The following FNIP1 variants were observed in gnomAD, a reference collection of about 807,000 sequenced individuals.
FNIP1 encodes folliculin-interacting protein 1.
A neutral mutation model predicts 124.5 loss-of-function variants in FNIP1; 40 were observed. The observed-to-expected ratio is 0.32, with a 90% CI of 0.25 to 0.42. The LOEUF (loss-of-function observed/expected upper bound fraction) is 0.42. Among genes scored for constraint, FNIP1 ranks in the 10% least tolerant of loss-of-function variants. The pLI, the probability that FNIP1 is intolerant of heterozygous loss-of-function variation, is 1.00. For missense variants in FNIP1, 1,176 were observed against 1,403.7 expected, an observed-to-expected ratio of 0.84 and a Z score of 2.59; for synonymous variants, 472 against 470.6, an observed-to-expected ratio of 1.00 and a Z score of -0.04.
rs1045722087 is a variant in FNIP1 at position 131,796,928 on chromosome 5, C to G, written c.-7G>C. ...GGAACAGCGTAGGGGCCATGCTAGCCACGGCCAGGCAGGGGTCGCTCCGCT... is the reference window on the plus strand; with the variant it reads ...GGAACAGCGTAGGGGCCATGCTAGCGACGGCCAGGCAGGGGTCGCTCCGCT... On this transcript the variant is annotated 5_prime_UTR_variant, in exon 1 of 18. Coordinates refer to ENST00000510461, the MANE Select transcript of FNIP1 (RefSeq NM_133372.3). 1 of 1,596,514 alleles carries G rather than the reference C, an allele frequency of 6.3e-7. No individual in the cohort carries two copies. Among genetic ancestry groups the G allele is most frequent in the African/African-American group, 1.3e-5 (1 of 74,378 alleles).
intron 1 of FNIP1, among the ~76,000 whole-genome samples, chr5:131,790,834 A>C (rs371774053): frequency 3.5e-4 from 54 of 152,378 alleles, no homozygotes; most frequent in East Asian, 2.7e-3. Context: ...GACTATATCA[A>C]GAACAGGGAG....
chr5:131,687,331 C>A (rs1768315610), intron 11 of FNIP1, among the ~76,000 whole-genome samples: 1 of 152,080 alleles, frequency 6.6e-6, no homozygotes, highest in South Asian at 2.1e-4. Context: ...GTCTTGAACT[C>A]CTGGACTCAA....
intron 2 of FNIP1, among the ~76,000 whole-genome samples, chr5:131,738,124 C>T (rs1265774759): frequency 1.3e-5 from 2 of 150,850 alleles, no homozygotes; most frequent in African/African-American, 4.9e-5. Flanking sequence ...GCCTCAAATT[C>T]CTGAGCTCAA....
At chr5:131,720,304 A>G (rs962468773) in intron 3 of FNIP1, among the ~76,000 whole-genome samples, 1 of 152,214 alleles carries the variant, frequency 6.6e-6, no homozygotes, top group Admixed American at 6.5e-5. Context: ...CACATGCGAA[A>G]GAATAAAACT....
intron 1 of FNIP1, among the ~76,000 whole-genome samples, chr5:131,763,288 TAC>T (rs34544569): frequency 0.016 from 2,392 of 148,416 alleles, 19 homozygotes; most frequent in African/African-American, 0.026. Context: ...CAAATGCAAA[TAC>T]ACACACACAC....
Position 131,694,635 on chromosome 5 carries a change from C to T in FNIP1, c.1202+4282G>A, listed in dbSNP as rs147454201. ...GGTAAAGCACAGGGGATTTTTAGGG[C>T]GGTGAAATTATTCTATATGATACTA... On this transcript the variant is annotated intron_variant, in intron 11 of 17. Transcript: ENST00000510461. Among the ~76,000 whole-genome samples the T allele has an allele frequency of 1.2e-3, 181 of 152,022 alleles. 3 individuals carry two copies. In the East Asian group the frequency reaches 0.02, roughly 17 times the overall value.
At chr5:131,784,211 G>A (rs1203201198) in intron 1 of FNIP1, among the ~76,000 whole-genome samples, 1 of 152,098 alleles carries the variant, frequency 6.6e-6, no homozygotes, top group African/African-American at 2.4e-5. Context: ...AATTGACTAA[G>A]AGATAAATTG....
At chr5:131,682,129 GA>G (rs1457176384) in intron 11 of FNIP1, among the ~76,000 whole-genome samples, 1 of 151,954 alleles carries the variant, frequency 6.6e-6, no homozygotes, top group Non-Finnish European at 1.5e-5. Context: ...TTGATTAAAA[GA>G]AACAATGTAT....
intron 11 of FNIP1, among the ~76,000 whole-genome samples, chr5:131,681,815 A>C (rs1437782562): frequency 6.6e-6 from 1 of 151,714 alleles, no homozygotes; most frequent in Non-Finnish European, 1.5e-5. Flanking sequence ...ATTGTAAAAG[A>C]AAGCAGAAAA....
chr5:131,721,064 A>ATGTGAAAATAACCC (rs1769643154), intron 3 of FNIP1, among the ~76,000 whole-genome samples: 1 of 152,224 alleles, frequency 6.6e-6, no homozygotes, highest in African/African-American at 2.4e-5. Context: ...AATAGCCAAG[A>ATGTGAAAATAACCC]TGTGAAAATA....
rs527612883 is a variant in FNIP1 at position 131,716,790 on chromosome 5, A to G, written c.531-134T>C. 1.8e-5 allele frequency: 10 copies of G among 555,622 alleles called. No individual in the cohort carries two copies. In the Admixed American group the frequency reaches 3.5e-4, roughly 20 times the overall value. The allele number at this position is 555,622 out of a possible 1,614,324, so 34.4% of individuals were successfully genotyped here. ...GCATTACAAATTAACTAACATAATC[A>G]TTTAAATCAGAGGTTGGTAAACTAT... On this transcript the variant is annotated intron_variant, in intron 5 of 17. Coordinates refer to ENST00000510461, the MANE Select transcript of FNIP1 (RefSeq NM_133372.3).
intron 11 of FNIP1, among the ~76,000 whole-genome samples, chr5:131,681,090 A>G (rs1768062472): frequency 6.6e-6 from 1 of 152,218 alleles, no homozygotes; most frequent in Non-Finnish European, 1.5e-5. Flanking sequence ...ACTTCCCCAG[A>G]AAATGACTAC....
chr5:131,669,602 A>G (rs1767691960), intron 15 of FNIP1, among the ~76,000 whole-genome samples: 1 of 152,150 alleles, frequency 6.6e-6, no homozygotes, highest in Non-Finnish European at 1.5e-5. Context: ...CTCAATAGAC[A>G]TTGAGAAAAA....
chr5:131,751,249 T>C (rs1395886465), intron 1 of FNIP1, among the ~76,000 whole-genome samples: 1 of 152,164 alleles, frequency 6.6e-6, no homozygotes, highest in Non-Finnish European at 1.5e-5. Context: ...AAACTCTTAT[T>C]TATTCTTAAA....
At chr5:131,701,379 C>T (rs1768896180) in intron 10 of FNIP1, among the ~76,000 whole-genome samples, 1 of 152,150 alleles carries the variant, frequency 6.6e-6, no homozygotes, top group Non-Finnish European at 1.5e-5. Flanking sequence ...ATGCCTATTT[C>T]AAGTTTTATA....
intron 2 of FNIP1, among the ~76,000 whole-genome samples, chr5:131,734,719 C>A (rs1272735733): frequency 6.6e-6 from 1 of 152,206 alleles, no homozygotes; most frequent in Admixed American, 6.5e-5. Context: ...AAATGCTCAT[C>A]ATCACTGGCC....
At position 131,707,346 on chromosome 5, in the gene FNIP1, C is replaced by G. The variant is rs562536225; in HGVS notation, c.779-800G>C. Among the ~76,000 whole-genome samples the G allele has an allele frequency of 3.3e-5, 5 of 152,314 alleles. No homozygotes were observed. The South Asian group carries it at 1.0e-3, about 32-fold the overall frequency. On this transcript the variant is annotated intron_variant, in intron 8 of 17. Coordinates refer to ENST00000510461, the MANE Select transcript of FNIP1 (RefSeq NM_133372.3). ...TTTTGTTTGGCAATATTCCAGACTT[C>G]TATCTTTCATGATCATAAGCACATA...
Position 131,672,728 on chromosome 5 carries a change from AGTG to A in FNIP1, c.1713_1715del (p.Thr572del). 2 of 1,613,586 alleles carry A rather than the reference AGTG, an allele frequency of 1.2e-6. No homozygotes were observed. The highest frequency in any genetic ancestry group is 1.7e-6 in the Non-Finnish European group (2 of 1,179,738). The stretch of plus-strand genomic sequence containing the variant: ...ATTCTTCTATTTCACCTTTCTCTAA[AGTG>A]GTAGTAATTACTGTGCCTGGCATAA... On this transcript the variant is annotated inframe_deletion, in exon 14 of 18. Transcript: ENST00000510461.
rs1054910291 is a variant in FNIP1 at position 131,672,626 on chromosome 5, G to A, written c.1818C>T (p.Pro606=). 3.1e-6 allele frequency: 5 copies of A among 1,613,962 alleles called. No individual in the cohort carries two copies. Among genetic ancestry groups the A allele is most frequent in the Non-Finnish European group, 4.2e-6 (5 of 1,180,010 alleles). ...LFKESEEIRT[P]NCNCKYCSHP... is the part of the protein sequence containing the mutation. The stretch of plus-strand genomic sequence containing the variant: ...GACTGCAATATTTACAGTTACAATT[G>A]GGAGTTCTAATTTCTTCTGACTCTT... Residue 606 remains proline, a synonymous_variant, in exon 14 of 18, where the codon CCC becomes CCT. Transcript: ENST00000510461.
Sources: gnomAD v4.1 joint callset for allele counts (sites outside exome capture counted in the v4.1 genomes callset) on GRCh38, gnomAD v4.1.1 for gene constraint, MANE v1.5 for transcripts, NCBI Gene and HGNC (gene_info 2026-07-23, HGNC 2026-07-21) for gene names.